GRAP2: variants seen among roughly 807,000 people sequenced by gnomAD.
GRAP2 encodes the protein GRB2-related adapter protein 2.
GRAP2 carries 31 observed loss-of-function variants against 43.5 expected under a neutral mutation model. The observed-to-expected ratio is 0.71, with a 90% CI of 0.54 to 0.96. The LOEUF (loss-of-function observed/expected upper bound fraction) is 0.96, where lower values mean the gene tolerates loss of function less well. Among genes scored for constraint, GRAP2 ranks in the 40% least tolerant of loss-of-function variants. The pLI, the probability that GRAP2 is intolerant of heterozygous loss-of-function variation, is 0.00. For synonymous variants in GRAP2, 156 were observed against 164.8 expected, an observed-to-expected ratio of 0.95 and a Z score of 0.41; for missense variants, 371 against 424.4, an observed-to-expected ratio of 0.87 and a Z score of 1.11.
chr22:39,905,007 T>C (rs2066514106), intron 1 of GRAP2, among the ~76,000 whole-genome samples: 1 of 152,200 alleles, frequency 6.6e-6, no homozygotes, highest in Non-Finnish European at 1.5e-5. Context: ...TTGCATCTTA[T>C]CAGGAGGTAC....
chr22:39,955,427 A>G (rs774581887), intron 2 of GRAP2, among the ~76,000 whole-genome samples: 6 of 150,294 alleles, frequency 4.0e-5, no homozygotes, highest in Non-Finnish European at 8.9e-5. Context: ...AAAAAAAAAT[A>G]CACCGTGGAG....
intron 1 of GRAP2, among the ~76,000 whole-genome samples, chr22:39,930,716 T>A (rs1476204882): frequency 2.6e-5 from 4 of 152,216 alleles, no homozygotes; most frequent in Non-Finnish European, 5.9e-5. Flanking sequence ...TATGAAGTCC[T>A]AAGTCCCTGG....
chr22:39,908,691 T>A (rs2066539114), intron 1 of GRAP2, among the ~76,000 whole-genome samples: 1 of 152,180 alleles, frequency 6.6e-6, no homozygotes, highest in Non-Finnish European at 1.5e-5. Context: ...ATCACCACTC[T>A]CCCTTGGCCT....
the GRAP2 span, among the ~76,000 whole-genome samples, chr22:39,894,044 G>A: frequency 0.01 from 1,532 of 148,044 alleles, 16 homozygotes; most frequent in African/African-American, 0.036. Flanking sequence ...ATAAAAATGA[G>A]TATAAATTAA....
At chr22:39,927,586 A>G (rs1488070608) in intron 1 of GRAP2, among the ~76,000 whole-genome samples, 1 of 152,216 alleles carries the variant, frequency 6.6e-6, no homozygotes, top group African/African-American at 2.4e-5. Flanking sequence ...GCCTAATCGC[A>G]TCGGGAGAGG....
At chr22:39,955,137 T>G (rs1483630508) in intron 2 of GRAP2, among the ~76,000 whole-genome samples, 1 of 152,086 alleles carries the variant, frequency 6.6e-6, no homozygotes, top group Non-Finnish European at 1.5e-5. Context: ...GGCAGGTGGA[T>G]CACTAGGTCA....
chr22:39,965,964 C>T, intron 4 of GRAP2, 26 bp from the exon 5 acceptor site: 2 of 1,603,198 alleles, frequency 1.2e-6, no homozygotes, highest in South Asian at 1.1e-5. Context: ...GTGTAACATA[C>T]AATTTTGTTT....
rs1001497998 is a variant in GRAP2, at chr22:39,972,114, C to G, written c.*1030C>G. ...CTTTGACACCAGCTTCCTGTTCAGT[C>G]TGACCACTGCTGTCCTCCTGCTGCC... On this transcript the variant is annotated 3_prime_UTR_variant, in exon 8 of 8. Transcript: ENST00000344138. The G allele has an allele frequency of 2.6e-5, 4 of 152,312 alleles. No homozygotes were observed. The highest frequency in any genetic ancestry group is 9.6e-5 in the African/African-American group (4 of 41,466). The allele number at this position is 152,312 out of a possible 1,614,324, so 9.4% of individuals were successfully genotyped here.
chr22:39,906,062 T>C (rs2066520840), intron 1 of GRAP2, among the ~76,000 whole-genome samples: 1 of 151,614 alleles, frequency 6.6e-6, no homozygotes, highest in African/African-American at 2.4e-5. Flanking sequence ...CAGAAAAGAG[T>C]AGGAGAACTA....
At chr22:39,916,401 T>A (rs1247881718) in intron 1 of GRAP2, among the ~76,000 whole-genome samples, 1 of 152,236 alleles carries the variant, frequency 6.6e-6, no homozygotes, top group East Asian at 1.9e-4. Flanking sequence ...CCTGAGCAAC[T>A]GTAGGACCCC....
chr22:39,970,169 G>A (rs752455479), intron 7 of GRAP2, among the ~76,000 whole-genome samples: 1 of 152,114 alleles, frequency 6.6e-6, no homozygotes, highest in Admixed American at 6.5e-5. Flanking sequence ...AGGCTCAAGT[G>A]CAGTGGCACA....
At chr22:39,945,736 A>G (rs557693564) in intron 1 of GRAP2, among the ~76,000 whole-genome samples, 1 of 152,378 alleles carries the variant, frequency 6.6e-6, no homozygotes, top group Non-Finnish European at 1.5e-5. Context: ...GGAGTGAGGA[A>G]AGAAAACTTG....
At chr22:39,899,458 C>T (rs989062597), upstream of GRAP2, among the ~76,000 whole-genome samples, 6 of 152,176 alleles carry the variant, frequency 3.9e-5, no homozygotes, top group Admixed American at 3.9e-4. Context: ...AGGATTTCAG[C>T]ATTTAAAAAC....
chr22:39,908,884 C>T (rs2066540176), intron 1 of GRAP2, among the ~76,000 whole-genome samples: 2 of 152,182 alleles, frequency 1.3e-5, no homozygotes, highest in South Asian at 2.1e-4. Context: ...GGTCACTGGA[C>T]TGTGGGAGGT....
At chr22:39,962,424 CAA>C (rs975381723) in intron 4 of GRAP2, among the ~76,000 whole-genome samples, 2 of 151,436 alleles carry the variant, frequency 1.3e-5, no homozygotes, top group African/African-American at 4.9e-5. Context: ...GACCCTGTCT[CAA>C]GAGAAAAAAA....
chr22:39,944,947 C>G (rs2061660193), intron 1 of GRAP2, among the ~76,000 whole-genome samples: 1 of 152,142 alleles, frequency 6.6e-6, no homozygotes, highest in African/African-American at 2.4e-5. Flanking sequence ...ACACTTGATC[C>G]CACGAGGCGA....
At chr22:39,951,407 G>A (rs900743189) in intron 2 of GRAP2, among the ~76,000 whole-genome samples, 6 of 152,138 alleles carry the variant, frequency 3.9e-5, no homozygotes, top group African/African-American at 1.4e-4. Flanking sequence ...TGCTAAAATA[G>A]CAACCTAAAA....
chr22:39,900,264 C>T (rs1384948855), upstream of GRAP2, among the ~76,000 whole-genome samples: 1 of 152,186 alleles, frequency 6.6e-6, no homozygotes, highest in African/African-American at 2.4e-5. Context: ...TGACACTCTC[C>T]TCTTGGTATT....
intron 1 of GRAP2, among the ~76,000 whole-genome samples, chr22:39,901,609 G>A (rs2066493105): frequency 6.6e-6 from 1 of 152,170 alleles, no homozygotes; most frequent in African/African-American, 2.4e-5. Flanking sequence ...CTCAGGGAAA[G>A]ATTTTCGACC....
Sources: allele counts gnomAD v4.1 joint callset (sites outside exome capture counted in the v4.1 genomes callset), GRCh38; gene constraint gnomAD v4.1.1; transcripts MANE v1.5; gene names NCBI Gene and HGNC (gene_info 2026-07-23, HGNC 2026-07-21).